The following DLAT variants were observed in gnomAD, a reference collection of about 807,000 sequenced individuals.
DLAT encodes dihydrolipoamide S-acetyltransferase, also known as dihydrolipoyllysine-residue acetyltransferase component of pyruvate dehydrogenase complex, mitochondrial.
A neutral mutation model predicts 68.0 loss-of-function variants in DLAT; 43 were observed. That is an observed-to-expected ratio of 0.63 (90% CI 0.50 to 0.81). The LOEUF is 0.81. Ranked by LOEUF, DLAT falls within the 40% of genes least tolerant of loss-of-function variation. The pLI is 0.00. For synonymous variants in DLAT, 265 were observed against 288.6 expected, an observed-to-expected ratio of 0.92 and a Z score of 0.83; for missense variants, 745 against 815.4, an observed-to-expected ratio of 0.91 and a Z score of 1.05.
chr11:112,053,446 T>G (rs1037639597), intron 11 of DLAT, among the ~76,000 whole-genome samples: 1 of 152,230 alleles, frequency 6.6e-6, no homozygotes, highest in Middle Eastern at 3.4e-3. Context: ...TGTTTGTTTT[T>G]TTTTGTTTTT....
At chr11:112,054,828 C>T (rs1555182323) in intron 11 of DLAT, among the ~76,000 whole-genome samples, 1 of 152,168 alleles carries the variant, frequency 6.6e-6, no homozygotes, top group Non-Finnish European at 1.5e-5. Flanking sequence ...TCCTTCCTTG[C>T]CTTTTCCAGT....
At chr11:112,052,578 G>T (rs587756114) in intron 11 of DLAT, among the ~76,000 whole-genome samples, 4 of 152,154 alleles carry the variant, frequency 2.6e-5, no homozygotes. Flanking sequence ...TTTGAGGTGG[G>T]GTGGTGCAGA....
intron 11 of DLAT, among the ~76,000 whole-genome samples, chr11:112,057,257 A>G (rs1452837971): frequency 6.6e-6 from 1 of 152,222 alleles, no homozygotes; most frequent in African/African-American, 2.4e-5. Context: ...ATGAGACACA[A>G]TAAAACTGAA....
intron 11 of DLAT, among the ~76,000 whole-genome samples, chr11:112,054,244 A>G (rs1014622315): frequency 6.6e-6 from 1 of 152,078 alleles, no homozygotes; most frequent in African/African-American, 2.4e-5. Flanking sequence ...TGAACCTGGG[A>G]GGCGGAGGTT....
Position 112,062,756 on chromosome 11 carries a change from C to A in DLAT, c.*221C>A. On this transcript the variant is annotated 3_prime_UTR_variant, in exon 14 of 14. Coordinates refer to ENST00000280346, the MANE Select transcript of DLAT (RefSeq NM_001931.5). ...ATAATCAGACACCAGATTTTTAGCTCTGTACTCCTAATTAAGGGACATGTA... is the reference window on the plus strand; with the variant it reads ...ATAATCAGACACCAGATTTTTAGCTATGTACTCCTAATTAAGGGACATGTA... The A allele has an allele frequency of 1.2e-5, 6 of 519,452 alleles. No homozygotes were observed. The South Asian group carries it at 1.2e-4, about 11-fold the overall frequency. 32.2% of individuals were successfully genotyped at this position (519,452 alleles called of 1,614,324 possible). A position where few individuals can be genotyped will look rare whatever the true frequency, so the allele number is the denominator to read the frequency against.
chr11:112,027,272 C>G (rs1359984195), intron 2 of DLAT, among the ~76,000 whole-genome samples: 3 of 149,930 alleles, frequency 2.0e-5, no homozygotes, highest in Non-Finnish European at 3.0e-5. Context: ...GGGTCGCGGC[C>G]GGGTAGAGGC....
chr11:112,064,154 T>C lies in DLAT; in HGVS notation c.*1619T>C. On this transcript the variant is annotated 3_prime_UTR_variant, in exon 14 of 14. Transcript: ENST00000280346. ...GGGACCATCATCAATATGATCCAAATCTGGTTCAAACATTCAAAACTTCAA... is the reference window on the plus strand; with the variant it reads ...GGGACCATCATCAATATGATCCAAACCTGGTTCAAACATTCAAAACTTCAA... 1 of 1,556,570 alleles carries C rather than the reference T, an allele frequency of 6.4e-7. No homozygotes were observed. Among genetic ancestry groups the C allele is most frequent in the Non-Finnish European group, 8.7e-7 (1 of 1,149,890 alleles).
intron 10 of DLAT, among the ~76,000 whole-genome samples, chr11:112,048,999 A>G (rs1379211235): frequency 7.6e-6 from 1 of 131,402 alleles, no homozygotes; most frequent in African/African-American, 2.9e-5. Context: ...TTTTTTTTAA[A>G]GACAGAGTCT....
At chr11:112,060,917 C>A in intron 12 of DLAT, 121 bp from the exon 13 acceptor site, 1 of 782,658 alleles carries the variant, frequency 1.3e-6, no homozygotes, top group Non-Finnish European at 2.1e-6. Context: ...ATGTGTATTC[C>A]ATTCAGGCCT....
At chr11:112,034,880 TCTC>T (rs1350126875) in intron 5 of DLAT, among the ~76,000 whole-genome samples, 1 of 151,548 alleles carries the variant, frequency 6.6e-6, no homozygotes, top group Non-Finnish European at 1.5e-5. Flanking sequence ...TTCAAGCAAT[TCTC>T]CTGCCTCAGC....
intron 11 of DLAT, among the ~76,000 whole-genome samples, chr11:112,058,268 A>G (rs1469845235): frequency 6.6e-6 from 1 of 152,196 alleles, no homozygotes; most frequent in Non-Finnish European, 1.5e-5. Context: ...GTAATAATTT[A>G]TTCAAGAAAG....
chr11:112,041,882 A>T (rs1294799302), intron 7 of DLAT, among the ~76,000 whole-genome samples: 5 of 151,958 alleles, frequency 3.3e-5, no homozygotes, highest in Non-Finnish European at 7.4e-5. Context: ...ACTCCGTCTC[A>T]AAGAAAAAAA....
rs1466464024 is a variant in DLAT, at chr11:112,029,666, CA to C, written c.660+728del. Among the ~76,000 whole-genome samples, 9 of 148,694 alleles carry C rather than the reference CA, an allele frequency of 6.1e-5. No homozygotes were observed. The East Asian group carries it at 1.8e-3, about 29-fold the overall frequency. The stretch of plus-strand genomic sequence containing the variant: ...ATTTCTTTTTTTTTTTTTCCACATA[CA>C]AAAAAACTTTATTTACACAGTCTTG... On this transcript the variant is annotated intron_variant, in intron 4 of 13. Coordinates refer to ENST00000280346, the MANE Select transcript of DLAT (RefSeq NM_001931.5).
intron 12 of DLAT, 91 bp downstream of exon 12, chr11:112,060,156 TA>T: frequency 6.7e-6 from 7 of 1,041,080 alleles, no homozygotes; most frequent in Non-Finnish European, 9.6e-6. Flanking sequence ...TTCTGTCACG[TA>T]ATTTTTTTTT....
chr11:112,034,198 G>C (rs1862568035), intron 5 of DLAT, among the ~76,000 whole-genome samples: 1 of 152,108 alleles, frequency 6.6e-6, no homozygotes, highest in Admixed American at 6.5e-5. Context: ...GTCTAAACTA[G>C]GCAAAGGAAG....
In DLAT at chr11:112,064,289, A is replaced by C. The variant is rs142378015; in HGVS notation, c.*1754A>C. ...TGAGTTAAAAATTAATCTGAGCTAT[A>C]ATCTAAATCGATTCAGTCTCTTACC... On this transcript the variant is annotated 3_prime_UTR_variant, in exon 14 of 14. Transcript: ENST00000280346. 1,785 of 1,348,976 alleles carry C rather than the reference A, an allele frequency of 1.3e-3. 14 individuals are homozygous for C. In the African/African-American group the frequency reaches 0.022, roughly 17 times the overall value. 83.6% of individuals were successfully genotyped at this position (1,348,976 alleles called of 1,614,324 possible). A position where few individuals can be genotyped will look rare whatever the true frequency, so the allele number is the denominator to read the frequency against.
Position 112,051,624 on chromosome 11 carries a change from G to A in DLAT, c.1514+275G>A, listed in dbSNP as rs1863637129. 2.6e-5 allele frequency among the ~76,000 whole-genome samples: 4 copies of A among 152,012 alleles called. No individual in the cohort carries two copies. On this transcript the variant is annotated intron_variant, in intron 11 of 13. Transcript: ENST00000280346. This position sits in a 1 kb window ranked among gnomAD's most constrained non-coding sequence, Gnocchi z 4.3. ...AGATAGGGTCTTGCTCTGTTGTCCA[G>A]GCTGGTCTTGAACTCTTGGGCTCAA... is the stretch of plus-strand genomic sequence containing the variant.
chr11:112,040,855 C>T lies in DLAT; in HGVS notation c.1129+1458C>T, dbSNP rs781934441. Among the ~76,000 whole-genome samples, 9 of 151,500 alleles carry T rather than the reference C, an allele frequency of 5.9e-5. 1 individual carries two copies. The highest frequency in any genetic ancestry group is 1.2e-4 in the Non-Finnish European group (8 of 67,938). On this transcript the variant is annotated intron_variant, in intron 7 of 13. Transcript: ENST00000280346. Reference sequence around the variant, plus strand: ...AAAGAAGGACCATTTATTAGATATTCAGCAATACTCGTTACCTTACTAAAG... The same window carrying T: ...AAAGAAGGACCATTTATTAGATATTTAGCAATACTCGTTACCTTACTAAAG...
intron 8 of DLAT, 77 bp from the exon 9 acceptor site, chr11:112,045,061 G>A: frequency 9.3e-7 from 1 of 1,072,568 alleles, no homozygotes; most frequent in Non-Finnish European, 1.4e-6. Flanking sequence ...AAACTGCATA[G>A]TCACTGGCAG....
Sources: allele counts gnomAD v4.1 joint callset (sites outside exome capture counted in the v4.1 genomes callset), GRCh38; gene constraint gnomAD v4.1.1; non-coding constraint Gnocchi (gnomAD v3.1); transcripts MANE v1.5; gene names NCBI Gene and HGNC (gene_info 2026-07-23, HGNC 2026-07-21).